The following ALCAM variants were observed in gnomAD, a reference collection of about 807,000 sequenced individuals.
The protein encoded by ALCAM is CD166 antigen.
Under a neutral mutation model 70.9 loss-of-function variants are expected in ALCAM, and 30 were observed. The ratio of observed to expected loss-of-function variants is 0.42; its 90% confidence interval spans 0.32 to 0.57. ALCAM has a LOEUF of 0.57. Ranked by LOEUF, ALCAM falls within the 20% of genes least tolerant of loss-of-function variation. The pLI is 0.11. For missense variants in ALCAM, 591 were observed against 695.1 expected (o/e 0.85, Z 1.68); for synonymous variants, 249 against 242.5 (o/e 1.03, Z -0.25).
In ALCAM at chr3:105,576,364, AT is replaced by A. The variant is rs1940963319; in HGVS notation, c.*1914del. ...TTTAAACACCTGCTCTCCACAATAAATCACAAACACTAAAATAAAATTACTT... is the reference window on the plus strand; with the variant it reads ...TTTAAACACCTGCTCTCCACAATAAACACAAACACTAAAATAAAATTACTT... On this transcript the variant is annotated 3_prime_UTR_variant, in exon 16 of 16. Transcript: ENST00000306107. 6.6e-6 allele frequency: 1 copy of A among 152,628 alleles called. No homozygotes were observed. The highest frequency in any genetic ancestry group is 1.5e-5 in the Non-Finnish European group (1 of 68,038). 9.5% of individuals were successfully genotyped at this position (152,628 alleles called of 1,614,324 possible).
chr3:105,406,997 T>G (rs538582753), intron 1 of ALCAM, among the ~76,000 whole-genome samples: 1 of 152,098 alleles, frequency 6.6e-6, no homozygotes, highest in East Asian at 1.9e-4. Flanking sequence ...CCTCCTATAT[T>G]AAACCAGGAA....
At chr3:105,504,574 C>T (rs1015144951) in intron 1 of ALCAM, among the ~76,000 whole-genome samples, 3 of 143,910 alleles carry the variant, frequency 2.1e-5, no homozygotes, top group African/African-American at 7.6e-5. Context: ...TGCAAGCCCA[C>T]GGCCTGCCGG....
chr3:105,563,993 T>C (rs1441639047), intron 14 of ALCAM, among the ~76,000 whole-genome samples: 1 of 152,032 alleles, frequency 6.6e-6, no homozygotes, highest in Non-Finnish European at 1.5e-5. Context: ...GGCCCATTTC[T>C]TATTTAATTC....
intron 5 of ALCAM, among the ~76,000 whole-genome samples, chr3:105,534,053 A>C (rs1302033083): frequency 1.3e-5 from 2 of 152,136 alleles, no homozygotes; most frequent in African/African-American, 4.8e-5. Context: ...TCTCATAACA[A>C]GTATGCAACC....
At chr3:105,536,912 T>G (rs116105390) in intron 6 of ALCAM, among the ~76,000 whole-genome samples, 12 of 152,220 alleles carry the variant, frequency 7.9e-5, no homozygotes, top group Non-Finnish European at 1.8e-4. Context: ...ACCCTGGCCT[T>G]GAGTTTCTGA....
intron 1 of ALCAM, among the ~76,000 whole-genome samples, chr3:105,448,451 C>T (rs756952999): frequency 1.5e-4 from 23 of 151,050 alleles, no homozygotes; most frequent in East Asian, 5.8e-4. Flanking sequence ...TTTCAGCCAA[C>T]AGCTCTGTAA....
chr3:105,529,891 T>C (rs937015300), intron 3 of ALCAM, among the ~76,000 whole-genome samples: 1 of 151,994 alleles, frequency 6.6e-6, no homozygotes. Context: ...TGCACAACAG[T>C]CTGGATATTT....
intron 1 of ALCAM, among the ~76,000 whole-genome samples, chr3:105,502,808 T>C (rs1438649037): frequency 6.6e-6 from 1 of 152,258 alleles, no homozygotes; most frequent in Admixed American, 6.5e-5. Context: ...GGTCACACTA[T>C]CACCTAGAAT....
intron 14 of ALCAM, among the ~76,000 whole-genome samples, chr3:105,567,343 C>CT (rs971700084): frequency 3.9e-5 from 6 of 151,982 alleles, no homozygotes; most frequent in Non-Finnish European, 7.4e-5. Context: ...GCCTCATTCT[C>CT]TTTCTCTTCT....
chr3:105,433,673 T>C (rs2152576959), intron 1 of ALCAM, among the ~76,000 whole-genome samples: 2 of 150,166 alleles, frequency 1.3e-5, no homozygotes, highest in Middle Eastern at 3.5e-3. Flanking sequence ...AATGCAGTTT[T>C]TTTTTGTATT....
intron 1 of ALCAM, among the ~76,000 whole-genome samples, chr3:105,385,120 A>G (rs1385102945): frequency 1.3e-5 from 2 of 151,604 alleles, no homozygotes; most frequent in Non-Finnish European, 3.0e-5. Context: ...TGATGTTGTC[A>G]CCCAACAAAA....
chr3:105,537,075 C>T (rs919634235), intron 6 of ALCAM, among the ~76,000 whole-genome samples: 4 of 151,892 alleles, frequency 2.6e-5, no homozygotes, highest in Non-Finnish European at 4.4e-5. Flanking sequence ...AAAGGAGAGA[C>T]GAGTCCATTT....
intron 1 of ALCAM, among the ~76,000 whole-genome samples, chr3:105,390,335 C>T (rs1162769896): frequency 6.6e-6 from 1 of 152,058 alleles, no homozygotes; most frequent in African/African-American, 2.4e-5. Flanking sequence ...ATTTGCATTT[C>T]TCTAATGATT....
chr3:105,431,030 C>T (rs943129039), intron 1 of ALCAM, among the ~76,000 whole-genome samples: 14 of 151,652 alleles, frequency 9.2e-5, no homozygotes, highest in African/African-American at 3.4e-4. Context: ...TTAGTGTGAA[C>T]CTAAACTTAA....
chr3:105,566,423 C>A (rs1387520778), intron 14 of ALCAM, among the ~76,000 whole-genome samples: 2 of 152,098 alleles, frequency 1.3e-5, no homozygotes, highest in Non-Finnish European at 2.9e-5. Flanking sequence ...ATATATGAAA[C>A]CTTTGTAATT....
chr3:105,548,784 A>C (rs1212912847), intron 11 of ALCAM, among the ~76,000 whole-genome samples: 1 of 151,494 alleles, frequency 6.6e-6, no homozygotes, highest in East Asian at 1.9e-4. Flanking sequence ...TTTGGAATAA[A>C]GACTTGAACC....
chr3:105,478,169 G>C (rs2152606422), intron 1 of ALCAM, among the ~76,000 whole-genome samples: 1 of 151,974 alleles, frequency 6.6e-6, no homozygotes, highest in African/African-American at 2.4e-5. Context: ...CACTTCTTGG[G>C]ATTCTGTTAA....
At chr3:105,410,463 AG>A (rs1553720835) in intron 1 of ALCAM, among the ~76,000 whole-genome samples, 1 of 152,156 alleles carries the variant, frequency 6.6e-6, no homozygotes, top group Non-Finnish European at 1.5e-5. Flanking sequence ...GTCTTTATGT[AG>A]TACCACTCTG....
chr3:105,411,980 G>A (rs905438771), intron 1 of ALCAM, among the ~76,000 whole-genome samples: 1 of 151,880 alleles, frequency 6.6e-6, no homozygotes, highest in Non-Finnish European at 1.5e-5. Flanking sequence ...GAGCAAAGGC[G>A]AAAAAAATCT....
Sources: gnomAD v4.1 joint callset for allele counts (sites outside exome capture counted in the v4.1 genomes callset) on GRCh38, gnomAD v4.1.1 for gene constraint, MANE v1.5 for transcripts, NCBI Gene and HGNC (gene_info 2026-07-23, HGNC 2026-07-21) for gene names.